PDE1B: variants seen among roughly 807,000 people sequenced by gnomAD.
The protein encoded by PDE1B is phosphodiesterase 1B.
A neutral mutation model predicts 66.7 loss-of-function variants in PDE1B; 13 were observed. That is an observed-to-expected ratio of 0.19 (90% CI 0.13 to 0.31). The LOEUF is 0.31. Among genes scored for constraint, PDE1B ranks in the 10% least tolerant of loss-of-function variants. PDE1B has a pLI of 1.00. For synonymous variants in PDE1B, 230 were observed against 253.9 expected (o/e 0.91, Z 0.90); for missense variants, 485 against 682.3 (o/e 0.71, Z 3.22).
chr12:54,555,783 C>G (rs536690963), intron 2 of PDE1B, among the ~76,000 whole-genome samples: 1 of 152,300 alleles, frequency 6.6e-6, no homozygotes, highest in African/African-American at 2.4e-5. Flanking sequence ...TCATCTTTCT[C>G]TGGGTTCTCT....
chr12:54,550,298 G>T (rs1957257891), intron 2 of PDE1B: 12 of 1,146,608 alleles, frequency 1.0e-5, no homozygotes, highest in Non-Finnish European at 1.3e-5. Flanking sequence ...CTGCAGGAGG[G>T]CAGTAGAGGT....
At chr12:54,572,311 T>C (rs963434862) in intron 6 of PDE1B, 1 of 354,738 alleles carries the variant, frequency 2.8e-6, no homozygotes, top group Non-Finnish European at 5.2e-6. Context: ...AGCTATTCTT[T>C]AGAGAGCATT....
intron 14 of PDE1B, 140 bp from the exon 15 acceptor site, chr12:54,577,085 A>T: frequency 1.3e-6 from 1 of 752,300 alleles, no homozygotes; most frequent in South Asian, 1.7e-5. Flanking sequence ...GGCTCTTCCC[A>T]AGTGGGGATG....
chr12:54,577,435 TTC>T, intron 15 of PDE1B, 90 bp downstream of exon 15: 1 of 1,607,570 alleles, frequency 6.2e-7, no homozygotes, highest in Non-Finnish European at 8.5e-7. Flanking sequence ...GGATGCGACA[TTC>T]TCTCTCCCCT....
Position 54,573,284 on chromosome 12 carries a change from C to A in PDE1B, c.836+36C>A. 1 of 1,612,212 alleles carries A rather than the reference C, an allele frequency of 6.2e-7. No individual in the cohort carries two copies. Among genetic ancestry groups the A allele is most frequent in the South Asian group, 1.1e-5 (1 of 91,038 alleles). ...GGGATGTGGCAGGGGCAGGAGGGGC[C>A]AAGAGGAGGTGGGGAGGTTGCCGGA... On this transcript the variant is annotated intron_variant, in intron 8 of 15. Coordinates refer to ENST00000243052, the MANE Select transcript of PDE1B (RefSeq NM_000924.4). This position sits in a 1 kb window ranked among gnomAD's most constrained non-coding sequence, Gnocchi z 5.2.
Position 54,575,789 on chromosome 12 carries a change from G to A in PDE1B, c.1267+157G>A. 1 of 717,446 alleles carries A rather than the reference G, an allele frequency of 1.4e-6. No homozygotes were observed. Among genetic ancestry groups the A allele is most frequent in the Non-Finnish European group, 2.5e-6 (1 of 407,604 alleles). 44.4% of individuals were successfully genotyped at this position (717,446 alleles called of 1,614,324 possible). ...TGGGGTCCTGGGTTAGGAGGCCAGG[G>A]GGCTGCAATGGCAGGAAGGAGCTCT... On this transcript the variant is annotated intron_variant, in intron 12 of 15. Transcript: ENST00000243052. This position sits in a 1 kb window ranked among gnomAD's most constrained non-coding sequence, Gnocchi z 4.0.
At position 54,575,380 on chromosome 12, in the gene PDE1B, A is replaced by C; in HGVS notation, c.1185+162A>C. On this transcript the variant is annotated intron_variant, in intron 11 of 15. Transcript: ENST00000243052. The surrounding 1 kb of genome is among the most constrained non-coding windows in gnomAD (Gnocchi z 4.0). The stretch of plus-strand genomic sequence containing the variant: ...AACCCCATTATCCTAAAAGCCTAAC[A>C]ATAGTTGCATTTCATTTGCATATAT... 2.6e-6 allele frequency: 2 copies of C among 779,970 alleles called. No individual in the cohort carries two copies. Among genetic ancestry groups the C allele is most frequent in the Non-Finnish European group, 4.4e-6 (2 of 450,018 alleles). The allele number at this position is 779,970 out of a possible 1,614,324, so 48.3% of individuals were successfully genotyped here.
chr12:54,577,067 G>A (rs1957767907), intron 14 of PDE1B, 158 bp from the exon 15 acceptor site: 1 of 687,444 alleles, frequency 1.5e-6, no homozygotes, highest in Non-Finnish European at 2.5e-6. Flanking sequence ...TTTTAGCAAG[G>A]CTGGAGAGGC....
intron 2 of PDE1B, among the ~76,000 whole-genome samples, chr12:54,551,405 A>ATGAGTTC (rs1003433777): frequency 3.9e-5 from 6 of 152,200 alleles, no homozygotes; most frequent in Non-Finnish European, 7.3e-5. Flanking sequence ...CAGCCTTGGA[A>ATGAGTTC]TGAGTTCTGG....
In PDE1B at chr12:54,561,708, T is replaced by C. The variant is rs1302572992; in HGVS notation, c.114-5266T>C. 4.3e-6 allele frequency: 5 copies of C among 1,156,560 alleles called. No homozygotes were observed. In the African/African-American group the frequency reaches 4.6e-5, roughly 11 times the overall value. The allele number at this position is 1,156,560 out of a possible 1,614,324, so 71.6% of individuals were successfully genotyped here. On this transcript the variant is annotated intron_variant, in intron 2 of 15. Coordinates refer to ENST00000243052, the MANE Select transcript of PDE1B (RefSeq NM_000924.4). ...AGGTTGCTCATGGATCCACCAGTTG[T>C]AGTTTAGTGAAGTGGAGAGATCAAG... is the stretch of plus-strand genomic sequence containing the variant.
intron 2 of PDE1B, among the ~76,000 whole-genome samples, chr12:54,560,284 A>G (rs554000487): frequency 1.1e-3 from 167 of 152,082 alleles, no homozygotes; most frequent in South Asian, 2.9e-3. Context: ...AGGTATTTTC[A>G]TTTCTTCCTG....
At chr12:54,567,733 C>T (rs1421453731) in intron 3 of PDE1B, among the ~76,000 whole-genome samples, 2 of 151,894 alleles carry the variant, frequency 1.3e-5, no homozygotes, top group Non-Finnish European at 1.5e-5. Context: ...AACATGGGAG[C>T]CACCATTCTG....
At chr12:54,565,548 TCTTA>T (rs1486228082) in intron 2 of PDE1B, among the ~76,000 whole-genome samples, 3 of 152,224 alleles carry the variant, frequency 2.0e-5, no homozygotes, top group Non-Finnish European at 2.9e-5. Context: ...AAAATCATCC[TCTTA>T]CTTGTTAAAC....
rs746326393 is a variant in PDE1B, at chr12:54,572,536, G to A, written c.595-65G>A. ...CCTTCTAAAGAAAGTTGTTGATCTC[G>A]GTCCGTAATCACCACCATTCCTGTG... is the stretch of plus-strand genomic sequence containing the variant. On this transcript the variant is annotated intron_variant, in intron 6 of 15. Transcript: ENST00000243052. 562 of 1,483,400 alleles carry A rather than the reference G, an allele frequency of 3.8e-4. 1 individual carries two copies. The highest frequency in any genetic ancestry group is 5.0e-4 in the Non-Finnish European group (530 of 1,065,636). 91.9% of individuals were successfully genotyped at this position (1,483,400 alleles called of 1,614,324 possible).
intron 2 of PDE1B, among the ~76,000 whole-genome samples, chr12:54,550,817 G>C (rs1202176730): frequency 6.6e-6 from 1 of 152,142 alleles, no homozygotes; most frequent in African/African-American, 2.4e-5. Flanking sequence ...GAAGAACTCA[G>C]GTATCTGATA....
In PDE1B at chr12:54,567,099, C is replaced by G; in HGVS notation, c.227+12C>G. Reference sequence around the variant, plus strand: ...ATAGATGAGACACGGTGAGAGAGACCGACAGACAGAGAAGGAGAAAGATGT... The same window carrying G: ...ATAGATGAGACACGGTGAGAGAGACGGACAGACAGAGAAGGAGAAAGATGT... On this transcript the variant is annotated intron_variant, in intron 3 of 15. Coordinates refer to ENST00000243052, the MANE Select transcript of PDE1B (RefSeq NM_000924.4). The G allele has an allele frequency of 7.4e-7, 1 of 1,351,010 alleles. No individual in the cohort carries two copies. The highest frequency in any genetic ancestry group is 1.1e-6 in the Non-Finnish European group (1 of 948,286). The allele number at this position is 1,351,010 out of a possible 1,614,324, so 83.7% of individuals were successfully genotyped here. A position where few individuals can be genotyped will look rare whatever the true frequency, so the allele number is the denominator to read the frequency against.
Position 54,577,274 on chromosome 12 carries a change from G to A in PDE1B, c.1557G>A (p.Glu519=). The A allele has an allele frequency of 6.2e-7, 1 of 1,613,760 alleles. No individual in the cohort carries two copies. The highest frequency in any genetic ancestry group is 8.5e-7 in the Non-Finnish European group (1 of 1,179,940). The change falls in exon 15 of 16, where the codon GAG becomes GAA. Residue 519 remains glutamate, a synonymous_variant. Transcript: ENST00000243052. Reference sequence around the variant, plus strand: ...ACGAGCTGTCCCCCTGTGAAGAAGAGGCCCCCCCATCCCCTGCCGAAGATG... The same window carrying A: ...ACGAGCTGTCCCCCTGTGAAGAAGAAGCCCCCCCATCCCCTGCCGAAGATG... ...SIDELSPCEE[E]APPSPAEDEH... is the part of the protein sequence containing the mutation.
rs754943234 is a variant in PDE1B at position 54,575,942 on chromosome 12, C to T, written c.1268-50C>T. The T allele has an allele frequency of 7.7e-7, 1 of 1,301,506 alleles. No individual in the cohort carries two copies. The highest frequency in any genetic ancestry group is 1.1e-6 in the Non-Finnish European group (1 of 896,090). 80.6% of individuals were successfully genotyped at this position (1,301,506 alleles called of 1,614,324 possible). Reference sequence around the variant, plus strand: ...CATGCCAGCTGCATGCTCTGCCTAGCCCTCCAGATAATAGTAAGACATCTC... The same window carrying T: ...CATGCCAGCTGCATGCTCTGCCTAGTCCTCCAGATAATAGTAAGACATCTC... On this transcript the variant is annotated intron_variant, in intron 12 of 15. Transcript: ENST00000243052. This position sits in a 1 kb window ranked among gnomAD's most constrained non-coding sequence, Gnocchi z 4.0.
In PDE1B at chr12:54,577,923, C is replaced by G. The variant is rs1957793775; in HGVS notation, c.*81C>G. 1 of 174,286 alleles carries G rather than the reference C, an allele frequency of 5.7e-6. No individual in the cohort carries two copies. 10.8% of individuals were successfully genotyped at this position (174,286 alleles called of 1,614,324 possible). A position where few individuals can be genotyped will look rare whatever the true frequency, so the allele number is the denominator to read the frequency against. Reference sequence around the variant, plus strand: ...CATCCATCAGGACTGGCTCCCCCATCTGCTCCAAGGGAGCGTGGTCGTGGA... The same window carrying G: ...CATCCATCAGGACTGGCTCCCCCATGTGCTCCAAGGGAGCGTGGTCGTGGA... On this transcript the variant is annotated 3_prime_UTR_variant, in exon 16 of 16. Coordinates refer to ENST00000243052, the MANE Select transcript of PDE1B (RefSeq NM_000924.4).
Sources: allele counts gnomAD v4.1 joint callset (sites outside exome capture counted in the v4.1 genomes callset), GRCh38; gene constraint gnomAD v4.1.1; non-coding constraint Gnocchi (gnomAD v3.1); transcripts MANE v1.5; gene names NCBI Gene and HGNC (gene_info 2026-07-23, HGNC 2026-07-21).